The following LRRIQ1 variants were observed in gnomAD, a reference collection of about 807,000 sequenced individuals.
LRRIQ1 encodes leucine rich repeats and IQ motif containing 1, also known as leucine-rich repeat- and IQ domain-containing protein 1.
In LRRIQ1, 210 loss-of-function variants were observed where a neutral mutation model predicts 211.9. The ratio of observed to expected loss-of-function variants is 0.99; its 90% CI spans 0.89 to 1.11. LRRIQ1 has a LOEUF of 1.11. Among genes scored for constraint, LRRIQ1 ranks in the 50% most tolerant of loss-of-function variants. LRRIQ1 has a pLI of 0.00. For synonymous variants in LRRIQ1, 699 were observed against 650.1 expected (o/e 1.08, Z -1.14); for missense variants, 2,136 against 1,939.5 (o/e 1.10, Z -1.90).
chr12:85,141,737 G>A (rs1163359243), intron 19 of LRRIQ1, among the ~76,000 whole-genome samples: 2 of 150,924 alleles, frequency 1.3e-5, no homozygotes, highest in Non-Finnish European at 3.0e-5. Flanking sequence ...TTTTATTAGA[G>A]TATTTAGACT....
At chr12:85,126,966 G>C (rs904156408) in intron 17 of LRRIQ1, among the ~76,000 whole-genome samples, 12 of 152,156 alleles carry the variant, frequency 7.9e-5, no homozygotes, top group African/African-American at 2.7e-4. Context: ...TTTCAAGGGA[G>C]CATTAGGAAA....
intron 11 of LRRIQ1, among the ~76,000 whole-genome samples, chr12:85,080,487 A>G (rs1439216052): frequency 6.6e-6 from 1 of 151,418 alleles, no homozygotes; most frequent in Admixed American, 6.6e-5. Context: ...ATATATGTAT[A>G]TTTTTTATAA....
chr12:85,202,452 A>G (rs1893344456), intron 24 of LRRIQ1, among the ~76,000 whole-genome samples: 1 of 152,192 alleles, frequency 6.6e-6, no homozygotes, highest in African/African-American at 2.4e-5. Flanking sequence ...ATGCTTCATG[A>G]ATATGGGTTA....
chr12:85,096,530 G>T (rs554628016), intron 11 of LRRIQ1, among the ~76,000 whole-genome samples: 3 of 152,232 alleles, frequency 2.0e-5, no homozygotes, highest in African/African-American at 7.2e-5. Context: ...AGTATGATTG[G>T]TATGATTTCT....
chr12:85,193,206 T>C (rs1161113644), intron 24 of LRRIQ1, among the ~76,000 whole-genome samples: 1 of 130,360 alleles, frequency 7.7e-6, no homozygotes, highest in Non-Finnish European at 1.6e-5. Flanking sequence ...TTGGTGTACC[T>C]GAAAGTGATG....
chr12:85,072,235 A>AT (rs35748486), intron 10 of LRRIQ1, among the ~76,000 whole-genome samples: 40,764 of 151,294 alleles, frequency 0.27, 6,045 homozygotes, highest in African/African-American at 0.35. Flanking sequence ...TAGAAAGGTC[A>AT]TTTTTTTTGG....
chr12:85,051,172 C>CCTCTCT (rs148108462), intron 6 of LRRIQ1, among the ~76,000 whole-genome samples: 10 of 147,376 alleles, frequency 6.8e-5, no homozygotes, highest in Non-Finnish European at 1.2e-4. Context: ...AGCACTTTCT[C>CCTCTCT]CTCTCTCTCT....
intron 24 of LRRIQ1, among the ~76,000 whole-genome samples, chr12:85,210,580 A>T (rs551599790): frequency 1.3e-5 from 2 of 152,330 alleles, no homozygotes; most frequent in African/African-American, 4.8e-5. Flanking sequence ...ACAGATAGTA[A>T]ATAAGTTGGT....
intron 26 of LRRIQ1, among the ~76,000 whole-genome samples, chr12:85,235,026 T>A (rs369041971): frequency 2.0e-5 from 3 of 152,216 alleles, no homozygotes; most frequent in African/African-American, 7.2e-5. Flanking sequence ...TAGGGATGAG[T>A]ATCATCCAGA....
chr12:85,242,810 AT>A (rs1345203942), intron 26 of LRRIQ1, among the ~76,000 whole-genome samples: 2 of 151,856 alleles, frequency 1.3e-5, no homozygotes, highest in Non-Finnish European at 2.9e-5. Flanking sequence ...GTTTCCAGTA[AT>A]TTTACTTCTA....
chr12:85,227,870 C>A (rs1322610630), intron 24 of LRRIQ1, among the ~76,000 whole-genome samples: 1 of 152,104 alleles, frequency 6.6e-6, no homozygotes, highest in Non-Finnish European at 1.5e-5. Flanking sequence ...TAATACCACA[C>A]ATCTACAACC....
At chr12:85,133,904 T>G (rs1233664858) in intron 18 of LRRIQ1, among the ~76,000 whole-genome samples, 10 of 152,108 alleles carry the variant, frequency 6.6e-5, no homozygotes, top group Admixed American at 5.9e-4. Flanking sequence ...ATAAGCATAA[T>G]TAAGGACTGG....
intron 18 of LRRIQ1, among the ~76,000 whole-genome samples, chr12:85,132,456 G>C (rs965501132): frequency 3.3e-5 from 5 of 152,048 alleles, no homozygotes; most frequent in Non-Finnish European, 7.4e-5. Context: ...GTAACCAAGA[G>C]AGCATAAATA....
rs1371002872 is a variant in LRRIQ1 at position 85,244,790 on chromosome 12, C to A, written c.5018C>A (p.Ala1673Glu). 1 of 1,610,534 alleles carries A rather than the reference C, an allele frequency of 6.2e-7. No individual in the cohort carries two copies. The highest frequency in any genetic ancestry group is 8.5e-7 in the Non-Finnish European group (1 of 1,177,590). ...VLNGGRVQLV[A>E]RLVSREDTDL... ...TACATTCTCTTCCATTGCTCCCAGGCAAGACTTGTAAGCAGAGAAGACACG... is the reference window on the plus strand; with the variant it reads ...TACATTCTCTTCCATTGCTCCCAGGAAAGACTTGTAAGCAGAGAAGACACG... Residue 1673 changes from alanine (A) to glutamate (E), a missense_variant and splice_region_variant, in exon 27 of 27, where the codon GCA becomes GAA. By Grantham distance (107) the Ala-to-Glu change is moderately radical (BLOSUM62 -1). Coordinates refer to ENST00000393217, the MANE Select transcript of LRRIQ1 (RefSeq NM_001079910.2).
chr12:85,058,132 T>C (rs1565795474), intron 8 of LRRIQ1, among the ~76,000 whole-genome samples: 1 of 152,066 alleles, frequency 6.6e-6, no homozygotes, highest in Non-Finnish European at 1.5e-5. Flanking sequence ...TGAGAATTGC[T>C]GTAAATAAGG....
chr12:85,241,329 A>G (rs1895449318), intron 26 of LRRIQ1, among the ~76,000 whole-genome samples: 1 of 152,088 alleles, frequency 6.6e-6, no homozygotes, highest in Admixed American at 6.6e-5. Context: ...CACATATGTT[A>G]TATAACAAGA....
intron 8 of LRRIQ1, among the ~76,000 whole-genome samples, chr12:85,057,999 T>G (rs1054523250): frequency 2.0e-5 from 3 of 152,024 alleles, no homozygotes; most frequent in Non-Finnish European, 2.9e-5. Context: ...TTATTTTGTT[T>G]ATTCACTCAG....
chr12:85,077,842 G>A (rs892915986), intron 11 of LRRIQ1, among the ~76,000 whole-genome samples: 1 of 151,946 alleles, frequency 6.6e-6, no homozygotes, highest in Non-Finnish European at 1.5e-5. Flanking sequence ...CAAAAAATAA[G>A]CCAGGTGGGC....
intron 15 of LRRIQ1, among the ~76,000 whole-genome samples, chr12:85,108,418 G>A (rs568696461): frequency 6.6e-6 from 1 of 152,194 alleles, no homozygotes; most frequent in African/African-American, 2.4e-5. Context: ...GTGAGCCACT[G>A]TGCCCGGTCT....
Sources: gnomAD v4.1 joint callset for allele counts (sites outside exome capture counted in the v4.1 genomes callset) on GRCh38, gnomAD v4.1.1 for gene constraint, MANE v1.5 for transcripts, NCBI Gene and HGNC (gene_info 2026-07-23, HGNC 2026-07-21) for gene names.